FAM177A1: variants seen among roughly 807,000 people sequenced by gnomAD.
The protein encoded by FAM177A1 is protein FAM177A1.
A neutral mutation model predicts 26.1 loss-of-function variants in FAM177A1; 22 were observed. That is an observed-to-expected ratio of 0.84 (90% CI 0.60 to 1.20). The LOEUF (loss-of-function observed/expected upper bound fraction) is 1.20, where lower values mean the gene tolerates loss of function less well. Ranked by LOEUF, FAM177A1 falls within the 50% of genes most tolerant of loss-of-function variation. FAM177A1 has a pLI of 0.00. For synonymous variants in FAM177A1, 95 were observed against 99.3 expected, an observed-to-expected ratio of 0.96 and a Z score of 0.26; for missense variants, 296 against 291.1, an observed-to-expected ratio of 1.02 and a Z score of -0.12.
chr14:35,057,984 T>G (rs2045088769), intron 2 of FAM177A1, among the ~76,000 whole-genome samples: 1 of 152,110 alleles, frequency 6.6e-6, no homozygotes, highest in South Asian at 2.1e-4. Context: ...GTCTGTGAGG[T>G]CTAATTGATT....
At chr14:35,047,146 T>A in intron 1 of FAM177A1, 1 of 339,016 alleles carries the variant, frequency 2.9e-6, no homozygotes, top group Non-Finnish European at 4.2e-6. Context: ...CTGTCCAACA[T>A]AAATAGAATG....
chr14:35,054,807 T>A (rs1201859600), intron 2 of FAM177A1: 1 of 151,424 alleles, frequency 6.6e-6, no homozygotes, highest in Non-Finnish European at 1.5e-5. Context: ...AAACCCCATC[T>A]CTACTAAAAA....
chr14:35,080,445 C>A (rs534557738), intron 4 of FAM177A1, among the ~76,000 whole-genome samples: 271 of 152,232 alleles, frequency 1.8e-3, no homozygotes, highest in African/African-American at 6.3e-3. Context: ...AAAATAAAGT[C>A]CTTGTCAAAG....
intron 4 of FAM177A1, 132 bp downstream of exon 4, chr14:35,079,156 C>A (rs1351529764): frequency 4.9e-6 from 3 of 614,030 alleles, no homozygotes; most frequent in Admixed American, 8.0e-5. Flanking sequence ...ATTCTAGAAT[C>A]ATTAATTTCT....
chr14:35,046,825 C>G, intron 1 of FAM177A1, 197 bp downstream of exon 1: 1 of 1,367,814 alleles, frequency 7.3e-7, no homozygotes, highest in Non-Finnish European at 9.4e-7. Flanking sequence ...CTCACCAACC[C>G]CTTGGCTGGC....
chr14:35,058,404 A>G (rs532526109), intron 2 of FAM177A1, among the ~76,000 whole-genome samples: 87 of 152,212 alleles, frequency 5.7e-4, no homozygotes, highest in African/African-American at 2.1e-3. Flanking sequence ...GTCTTCAACT[A>G]TTATTGTTGA....
In FAM177A1 at chr14:35,077,212, C is replaced by T; in HGVS notation, c.402C>T (p.Leu134=). ...TGCTTCGGGCTGCTACATCAACTCT[C>T]TCAGGTATTGCTTTTCTGCTTGAAT... The part of the protein sequence containing the change: ...FYMLRAATST[L]SVCDFLGEKI... Residue 134 remains leucine, a synonymous_variant, in exon 3 of 5, where the codon CTC becomes CTT. Coordinates refer to ENST00000280987, the MANE Select transcript of FAM177A1 (RefSeq NM_173607.5). 6.2e-7 allele frequency: 1 copy of T among 1,613,626 alleles called. No homozygotes were observed. Among genetic ancestry groups the T allele is most frequent in the African/African-American group, 1.3e-5 (1 of 74,972 alleles).
intron 2 of FAM177A1, among the ~76,000 whole-genome samples, chr14:35,059,826 C>T (rs1443808819): frequency 3.3e-5 from 5 of 152,066 alleles, no homozygotes; most frequent in East Asian, 1.9e-4. Context: ...GGATTACAGG[C>T]GTGAGCCACC....
Position 35,081,333 on chromosome 14 carries a change from A to G in FAM177A1, c.*105A>G, listed in dbSNP as rs2045481284. The G allele has an allele frequency of 2.7e-5, 30 of 1,100,474 alleles. No homozygotes were observed. In the South Asian group the frequency reaches 4.6e-4, roughly 17 times the overall value. The allele number at this position is 1,100,474 out of a possible 1,614,324, so 68.2% of individuals were successfully genotyped here. A position where few individuals can be genotyped will look rare whatever the true frequency, so the allele number is the denominator to read the frequency against. On this transcript the variant is annotated 3_prime_UTR_variant, in exon 5 of 5. Coordinates refer to ENST00000280987, the MANE Select transcript of FAM177A1 (RefSeq NM_173607.5). Reference sequence around the variant, plus strand: ...ACTTAATACAATTATTTATATTTTAAATTATTAAAGTATCTGGAAAGGGAA... The same window carrying G: ...ACTTAATACAATTATTTATATTTTAGATTATTAAAGTATCTGGAAAGGGAA...
intron 3 of FAM177A1, 50 bp from the exon 4 acceptor site, chr14:35,078,876 TC>T: frequency 7.5e-7 from 1 of 1,338,032 alleles, no homozygotes. Flanking sequence ...TAGAAAGTGC[TC>T]AAGAAATGTT....
chr14:35,070,114 C>CAAAAAAAAA lies in FAM177A1; in HGVS notation c.340-7008_340-7000dup, dbSNP rs746133319. On this transcript the variant is annotated intron_variant, in intron 2 of 4. Transcript: ENST00000280987. ...TGGGCGACAGAGTGAGACTCTGTCT[C>CAAAAAAAAA]AAAAAAAAAAAAAAAAAAAAAAAAA... Among the ~76,000 whole-genome samples the CAAAAAAAAA allele has an allele frequency of 7.6e-4, 41 of 53,854 alleles. 3 individuals carry two copies. Among genetic ancestry groups the CAAAAAAAAA allele is most frequent in the African/African-American group, 1.3e-3 (16 of 12,088 alleles). The allele number at this position is 53,854 out of a possible 152,430, so 35.3% of individuals were successfully genotyped here.
intron 2 of FAM177A1, among the ~76,000 whole-genome samples, chr14:35,056,677 G>A (rs1177834703): frequency 6.6e-6 from 1 of 151,916 alleles, no homozygotes; most frequent in South Asian, 2.1e-4. Flanking sequence ...TTGAATGTTC[G>A]GAAGACTTCA....
chr14:35,069,447 G>A (rs374891504), intron 2 of FAM177A1, among the ~76,000 whole-genome samples: 3 of 151,962 alleles, frequency 2.0e-5, no homozygotes, highest in Middle Eastern at 3.2e-3. Context: ...CACCATGCCC[G>A]GCTAATTTTG....
chr14:35,076,490 T>C (rs1415742655), intron 2 of FAM177A1, among the ~76,000 whole-genome samples: 1 of 151,958 alleles, frequency 6.6e-6, no homozygotes, highest in Non-Finnish European at 1.5e-5. Flanking sequence ...ATACCTAATG[T>C]AAATGACGAG....
intron 2 of FAM177A1, among the ~76,000 whole-genome samples, chr14:35,060,510 C>A (rs189883546): frequency 3.6e-4 from 55 of 151,116 alleles, no homozygotes; most frequent in Middle Eastern, 3.4e-3. Context: ...TTTTCTGTTT[C>A]TTTGCATGTC....
chr14:35,048,561 T>C (rs1224955598), intron 1 of FAM177A1, among the ~76,000 whole-genome samples: 2 of 148,640 alleles, frequency 1.3e-5, no homozygotes, highest in Non-Finnish European at 3.0e-5. Flanking sequence ...ATATTTCTTA[T>C]ATATTATATA....
In FAM177A1 at chr14:35,062,660, G is replaced by A. The variant is rs187138524; in HGVS notation, c.339+9209G>A. Among the ~76,000 whole-genome samples, 16 of 152,104 alleles carry A rather than the reference G, an allele frequency of 1.1e-4. No individual in the cohort carries two copies. In the East Asian group the frequency reaches 3.1e-3, roughly 29 times the overall value. ...CTGAAAAGTGACTTGGCTGAGCACA[G>A]TGCCTCATGCCTATAATCTTTGCTT... On this transcript the variant is annotated intron_variant, in intron 2 of 4. Transcript: ENST00000280987.
At chr14:35,055,033 G>A (rs976755463) in intron 2 of FAM177A1, 2 of 151,860 alleles carry the variant, frequency 1.3e-5, no homozygotes, top group African/African-American at 4.8e-5. Flanking sequence ...CAGGAGCAAT[G>A]GTTCACGCCT....
chr14:35,060,297 TA>T (rs1188554196), intron 2 of FAM177A1, among the ~76,000 whole-genome samples: 1 of 152,206 alleles, frequency 6.6e-6, no homozygotes, highest in African/African-American at 2.4e-5. Context: ...GTTTTGTTTT[TA>T]ATAATTTCTG....
Sources: allele counts gnomAD v4.1 joint callset (sites outside exome capture counted in the v4.1 genomes callset), GRCh38; gene constraint gnomAD v4.1.1; transcripts MANE v1.5; gene names NCBI Gene and HGNC (gene_info 2026-07-23, HGNC 2026-07-21).